Variants in COL1A2 observed in about 807,000 individuals in gnomAD.
The protein encoded by COL1A2 is collagen alpha-2(I) chain.
In COL1A2, 49 loss-of-function variants were observed where a neutral mutation model predicts 174.3. The observed-to-expected ratio is 0.28, with a 90% CI of 0.22 to 0.36. The LOEUF (loss-of-function observed/expected upper bound fraction) is 0.36, where lower values mean the gene tolerates loss of function less well. Ranked by LOEUF, COL1A2 falls within the 10% of genes least tolerant of loss-of-function variation. COL1A2 has a pLI of 1.00. For missense variants in COL1A2, 1,438 were observed against 1,822.7 expected (o/e 0.79, Z 3.84); for synonymous variants, 655 against 606.6 (o/e 1.08, Z -1.17).
intron 12 of COL1A2, among the ~76,000 whole-genome samples, chr7:94,407,442 T>G (rs1268064554): frequency 6.6e-6 from 1 of 152,198 alleles, no homozygotes; most frequent in African/African-American, 2.4e-5. Flanking sequence ...GCTTCAATTT[T>G]TCATGCACAT....
intron 12 of COL1A2, 128 bp from the exon 13 acceptor site, chr7:94,407,719 T>C: frequency 1.3e-6 from 1 of 788,078 alleles, no homozygotes; most frequent in Admixed American, 2.5e-5. Context: ...TGAAAAACAA[T>C]CTATATGTGT....
intron 34 of COL1A2, among the ~76,000 whole-genome samples, 189 bp from the exon 35 acceptor site, chr7:94,420,044 T>A (rs42528): frequency 6.6e-6 from 1 of 152,010 alleles, no homozygotes; most frequent in African/African-American, 2.4e-5. Context: ...TAACCCATAC[T>A]ACTTAACCCC....
chr7:94,411,007 A>G (rs1471050232), intron 22 of COL1A2, 49 bp from the exon 23 acceptor site: 1 of 1,598,554 alleles, frequency 6.3e-7, no homozygotes, highest in Non-Finnish European at 8.6e-7. Context: ...GTGTGTCATT[A>G]GCTTTAGCAT....
At chr7:94,416,993 T>A (rs56825752) in intron 31 of COL1A2, among the ~76,000 whole-genome samples, 100 of 152,320 alleles carry the variant, frequency 6.6e-4, no homozygotes, top group African/African-American at 2.4e-3. Context: ...GTGGTTTAGA[T>A]TTTAAAATAG....
chr7:94,430,360 C>A lies in COL1A2; in HGVS notation c.4068C>A (p.Phe1356Leu). The change falls in exon 52 of 52, where the codon TTC becomes TTA. Residue 1356 changes from phenylalanine to leucine, a missense_variant. Physicochemically the swap from Phe to Leu is conservative, Grantham distance 22 (BLOSUM62 0). Around this residue, in one of 3 missense-constraint regions of COL1A2, gnomAD observed 290 missense variants for 298.1 expected, o/e 0.97. Coordinates refer to ENST00000297268, the MANE Select transcript of COL1A2 (RefSeq NM_000089.4). ...PLDIGGADQEFFVDIGPVCFK is the reference protein window; with the variant it reads ...PLDIGGADQELFVDIGPVCFK ...ACATCGGTGGTGCTGACCAGGAATT[C>A]TTTGTGGACATTGGCCCAGTCTGTT... 6 of 1,614,022 alleles carry A rather than the reference C, an allele frequency of 3.7e-6. No individual in the cohort carries two copies. The highest frequency in any genetic ancestry group is 5.1e-6 in the Non-Finnish European group (6 of 1,179,960).
At chr7:94,413,584 G>C (rs1352637417) in intron 26 of COL1A2, 106 bp from the exon 27 acceptor site, 4 of 1,124,834 alleles carry the variant, frequency 3.6e-6, no homozygotes, top group Non-Finnish European at 4.0e-6. Context: ...TTTAATTCAT[G>C]CTAAAATGAC....
chr7:94,411,034 T>C (rs1375796563), intron 22 of COL1A2, 22 bp from the exon 23 acceptor site: 6 of 311,634 alleles, frequency 1.9e-5, no homozygotes, highest in South Asian at 1.6e-4. Flanking sequence ...CCTCTATCTG[T>C]TTTTTTTTTT....
At chr7:94,399,222 A>C (rs1286591922) in intron 4 of COL1A2, 138 bp downstream of exon 4, 5 of 730,340 alleles carry the variant, frequency 6.8e-6, no homozygotes, top group East Asian at 2.5e-5. Context: ...AATGCACTGC[A>C]GAAGAAGCGA....
intron 40 of COL1A2, chr7:94,423,323 A>T: frequency 1.6e-6 from 1 of 609,496 alleles, no homozygotes; most frequent in Non-Finnish European, 2.9e-6. Context: ...GGAAGACAAT[A>T]AATGAGGGAA....
chr7:94,424,694 A>G, intron 41 of COL1A2: 1 of 511,492 alleles, frequency 2.0e-6, no homozygotes, highest in East Asian at 3.6e-5. Context: ...GGAATGATAC[A>G]ATCTCTAATT....
rs768637232 is a variant in COL1A2, at chr7:94,413,674, T to C, written c.1558-16T>C. On this transcript the variant is annotated splice_polypyrimidine_tract_variant and intron_variant, in intron 26 of 51. Transcript: ENST00000297268. The stretch of plus-strand genomic sequence containing the variant: ...GCTTGCAGCTAACCATCAGCCTTTC[T>C]GTTAAATATTTTTAGGGTGCTCCAG... 6.2e-7 allele frequency: 1 copy of C among 1,613,902 alleles called. No individual in the cohort carries two copies. Among genetic ancestry groups the C allele is most frequent in the Non-Finnish European group, 8.5e-7 (1 of 1,179,756 alleles).
At chr7:94,402,412 T>C (rs1479963847) in intron 6 of COL1A2, among the ~76,000 whole-genome samples, 2 of 152,120 alleles carry the variant, frequency 1.3e-5, no homozygotes, top group Non-Finnish European at 2.9e-5. Context: ...TAAATCTATA[T>C]AGAAGAGAGT....
rs370623514 is a variant in COL1A2 at position 94,421,937 on chromosome 7, T to C, written c.2388T>C (p.Gly796=). The part of the protein sequence containing the change: ...TGFPGAAGRT[G]PPGPSGISGP... ...TCCCTGGTGCTGCTGGACGGACTGG[T>C]CCCCCAGGACCCTCTGTAAGTAAAT... The change falls in exon 39 of 52, where the codon GGT becomes GGC. Residue 796 remains glycine (G), a synonymous_variant. Transcript: ENST00000297268. 9.3e-6 allele frequency: 15 copies of C among 1,613,940 alleles called. No homozygotes were observed. The African/African-American group carries it at 2.0e-4, about 22-fold the overall frequency.
rs755285630 is a variant in COL1A2, at chr7:94,427,269, G to A, written c.3241G>A (p.Gly1081Ser). 2 of 1,613,522 alleles carry A rather than the reference G, an allele frequency of 1.2e-6. No homozygotes were observed. Among genetic ancestry groups the A allele is most frequent in the Non-Finnish European group, 1.7e-6 (2 of 1,179,786 alleles). The change falls in exon 48 of 52, where the codon GGC becomes AGC. Residue 1081 changes from glycine (G) to serine (S), a missense_variant. By Grantham distance (56) the Gly-to-Ser change is moderately conservative (BLOSUM62 0). Transcript: ENST00000297268. The part of the protein sequence containing the change: ...PGTVGPAGIR[G>S]PQGHQGPAGP... ...TACAGTTGGACCTGCTGGCATTCGA[G>A]GCCCTCAGGGTCACCAAGGCCCTGC...
chr7:94,430,151 A>G, intron 51 of COL1A2, 96 bp from the exon 52 acceptor site: 3 of 1,241,378 alleles, frequency 2.4e-6, no homozygotes, highest in Non-Finnish European at 3.5e-6. Context: ...AGAATGACAC[A>G]TGCCAAACAG....
At chr7:94,406,763 A>G (rs1389774119) in intron 12 of COL1A2, among the ~76,000 whole-genome samples, 1 of 152,182 alleles carries the variant, frequency 6.6e-6, no homozygotes, top group Non-Finnish European at 1.5e-5. Flanking sequence ...AAAAAATTTT[A>G]ATTAGGTAAT....
Position 94,422,972 on chromosome 7 carries a change from C to G in COL1A2, c.2419C>G (p.Pro807Ala). The change falls in exon 40 of 52, where the codon CCT (proline) becomes GCT (alanine). Residue 807 changes from proline (P) to alanine (A), a missense_variant. Physicochemically the swap from Pro to Ala is conservative, Grantham distance 27. Coordinates refer to ENST00000297268, the MANE Select transcript of COL1A2 (RefSeq NM_000089.4). ...TTGCTCATAGGGTATTTCTGGCCCTCCTGGTCCCCCTGGTCCTGCTGGGAA... is the reference window on the plus strand; with the variant it reads ...TTGCTCATAGGGTATTTCTGGCCCTGCTGGTCCCCCTGGTCCTGCTGGGAA... ...PPGPSGISGP[P>A]GPPGPAGKEG... 6.2e-7 allele frequency: 1 copy of G among 1,614,106 alleles called. No individual in the cohort carries two copies. The highest frequency in any genetic ancestry group is 8.5e-7 in the Non-Finnish European group (1 of 1,180,018).
chr7:94,428,956 A>G (rs1792342575), intron 50 of COL1A2, among the ~76,000 whole-genome samples: 1 of 152,170 alleles, frequency 6.6e-6, no homozygotes, highest in Non-Finnish European at 1.5e-5. Context: ...ATTGAAACAG[A>G]TAACTTTTTT....
intron 47 of COL1A2, 21 bp downstream of exon 47, chr7:94,427,082 A>G (rs1184240460): frequency 6.2e-7 from 1 of 1,613,768 alleles, no homozygotes; most frequent in Admixed American, 1.7e-5. Context: ...TCAAGAGAAG[A>G]CAGTTCATCT....
Sources: allele counts gnomAD v4.1 joint callset (sites outside exome capture counted in the v4.1 genomes callset), GRCh38; gene constraint gnomAD v4.1.1; regional missense constraint gnomAD v4.1.1; transcripts MANE v1.5; gene names NCBI Gene and HGNC (gene_info 2026-07-23, HGNC 2026-07-21).